The following KCTD17 variants were observed in gnomAD, a reference collection of about 807,000 sequenced individuals.
KCTD17 encodes BTB/POZ domain-containing protein KCTD17.
Under a neutral mutation model 41.5 loss-of-function variants are expected in KCTD17, and 20 were observed. That is an observed-to-expected ratio of 0.48 (90% confidence interval 0.34 to 0.70). KCTD17 has a LOEUF of 0.70. KCTD17 is among the 30% of genes least tolerant of loss of function. The probability of loss-of-function intolerance (pLI) is 0.01; values close to 1 mark genes in which losing one functional copy is unlikely to be tolerated. For synonymous variants in KCTD17, 156 were observed against 173.8 expected, an observed-to-expected ratio of 0.90 and a Z score of 0.80; for missense variants, 317 against 427.2, an observed-to-expected ratio of 0.74 and a Z score of 2.27.
rs1366037095 is a variant in KCTD17 at position 37,059,422 on chromosome 22, C to T, written c.596C>T (p.Ser199Phe). The change falls in exon 5 of 9, where the codon TCC (serine) becomes TTC (phenylalanine). Residue 199 changes from serine to phenylalanine, a missense_variant. Around this residue, in one of 4 missense-constraint regions of KCTD17, gnomAD observed 177 missense variants for 194.4 expected, o/e 0.91. Coordinates refer to ENST00000403888, the MANE Select transcript of KCTD17 (RefSeq NM_001282684.2). ...HSTPNGLSSE[S>F]SRKTKSTEEQ... is the part of the protein sequence containing the mutation. ...ACCCCAAACGGGCTGAGCTCAGAGT[C>T]CAGCCGCAAAACCAAGGTGAGCCCA... 15 of 1,610,560 alleles carry T rather than the reference C, an allele frequency of 9.3e-6. No individual in the cohort carries two copies. The highest frequency in any genetic ancestry group is 1.3e-5 in the Non-Finnish European group (15 of 1,179,430).
chr22:37,054,254 A>T (rs1924832028), intron 2 of KCTD17, among the ~76,000 whole-genome samples: 1 of 152,156 alleles, frequency 6.6e-6, no homozygotes, highest in Admixed American at 6.5e-5. Flanking sequence ...GCCTAGGCTC[A>T]GGAGCAGGCC....
At chr22:37,060,782 T>A in intron 5 of KCTD17, 41 bp from the exon 6 acceptor site, 1 of 1,465,628 alleles carries the variant, frequency 6.8e-7, no homozygotes, top group Non-Finnish European at 9.0e-7. Context: ...TCTGTTAGTG[T>A]CTCCACTCTT....
At chr22:37,062,407 TCTCC>T in intron 8 of KCTD17, 114 bp from the exon 9 acceptor site, 1 of 1,351,764 alleles carries the variant, frequency 7.4e-7, no homozygotes, top group Non-Finnish European at 9.7e-7. Context: ...CCTCTCTCTC[TCTCC>T]CTCTCCCCCA....
At chr22:37,057,590 T>G in intron 4 of KCTD17, 97 bp downstream of exon 4, 4 of 927,556 alleles carry the variant, frequency 4.3e-6, no homozygotes, top group Non-Finnish European at 6.7e-6. Flanking sequence ...CAGCCTTGGG[T>G]TCCCCACCAC....
At chr22:37,058,503 T>G (rs1312796944) in intron 4 of KCTD17, among the ~76,000 whole-genome samples, 2 of 133,588 alleles carry the variant, frequency 1.5e-5, no homozygotes, top group African/African-American at 3.1e-5. Flanking sequence ...GTCATGCAAA[T>G]CATTAGAAAT....
intron 4 of KCTD17, among the ~76,000 whole-genome samples, chr22:37,059,009 C>G (rs575972841): frequency 6.6e-6 from 1 of 152,322 alleles, no homozygotes; most frequent in African/African-American, 2.4e-5. Flanking sequence ...CCCCCTGGCT[C>G]TGGGGCTAGG....
chr22:37,062,662 C>T lies in KCTD17; in HGVS notation c.*68C>T. On this transcript the variant is annotated 3_prime_UTR_variant, in exon 9 of 9. Coordinates refer to ENST00000403888, the MANE Select transcript of KCTD17 (RefSeq NM_001282684.2). The stretch of plus-strand genomic sequence containing the variant: ...AAGGAAGAAGCACCCTCTCCCCGGC[C>T]TCCTCTGTCTGCACCCGTGGGGCTG... The T allele has an allele frequency of 6.4e-7, 1 of 1,562,020 alleles. No homozygotes were observed. Among genetic ancestry groups the T allele is most frequent in the Admixed American group, 1.9e-5 (1 of 52,594 alleles).
At chr22:37,060,746 G>T (rs1281026542) in intron 5 of KCTD17, 77 bp from the exon 6 acceptor site, 5 of 1,431,118 alleles carry the variant, frequency 3.5e-6, no homozygotes, top group Non-Finnish European at 4.6e-6. Flanking sequence ...CCGGGTCTTT[G>T]GGGATAGCCA....
At chr22:37,060,096 C>T (rs1303627285) in intron 5 of KCTD17, among the ~76,000 whole-genome samples, 1 of 152,194 alleles carries the variant, frequency 6.6e-6, no homozygotes, top group Non-Finnish European at 1.5e-5. Flanking sequence ...GGGGAGAGGG[C>T]TGAGCGGGGG....
In KCTD17 at chr22:37,051,950, G is replaced by C. The variant is rs1466018860; in HGVS notation, c.189+1G>C. ...GGGGGAAGAGCTGCAGTCGGACCGG[G>C]TGAGGCCCCCGGGGTGGGCGGCGAG... On this transcript the variant is annotated splice_donor_variant, in intron 1 of 8. Coordinates refer to ENST00000403888, the MANE Select transcript of KCTD17 (RefSeq NM_001282684.2). LOFTEE classifies it high-confidence loss of function. 5 of 1,479,078 alleles carry C rather than the reference G, an allele frequency of 3.4e-6. No individual in the cohort carries two copies. 91.6% of individuals were successfully genotyped at this position (1,479,078 alleles called of 1,614,324 possible).
rs855793 is a variant in KCTD17, at chr22:37,053,568, T to C, written c.298+360T>C. ...CATCCGGAGGCTGGGGTGACAGGAA[T>C]GCAGTGTTGACAGGCATGGGGAGAG... On this transcript the variant is annotated intron_variant, in intron 2 of 8. Transcript: ENST00000403888. This position sits in a 1 kb window ranked among gnomAD's most constrained non-coding sequence, Gnocchi z 4.1. 0.81 allele frequency among the ~76,000 whole-genome samples: 123,852 copies of C among 152,214 alleles called. 51,235 individuals are homozygous for C. The highest frequency in any genetic ancestry group is 1 in the East Asian group (5,173 of 5,188).
In KCTD17 at chr22:37,061,961, T is replaced by G. The variant is rs538247734; in HGVS notation, c.875+332T>G. ...TGGGGATGGGGAGGACAGGCCACTT[T>G]TGGATACCCTTGGCCCATGAAGTGT... On this transcript the variant is annotated intron_variant, in intron 8 of 8. Transcript: ENST00000403888. The surrounding 1 kb of genome is among the most constrained non-coding windows in gnomAD (Gnocchi z 6.6). The G allele has an allele frequency of 1.4e-5, 14 of 985,408 alleles. No individual in the cohort carries two copies. In the South Asian group the frequency reaches 5.6e-4, roughly 40 times the overall value. 61.0% of individuals were successfully genotyped at this position (985,408 alleles called of 1,614,324 possible).
At chr22:37,062,015 T>G in intron 8 of KCTD17, 1 of 985,368 alleles carries the variant, frequency 1.0e-6, no homozygotes, top group Non-Finnish European at 1.2e-6. Flanking sequence ...GATTGCAGAG[T>G]GGCAGAAAAA....
At chr22:37,056,867 C>T (rs1925184388) in intron 3 of KCTD17, among the ~76,000 whole-genome samples, 1 of 152,126 alleles carries the variant, frequency 6.6e-6, no homozygotes. Context: ...CGTTTGTGAC[C>T]TTGGAGCCTG....
At chr22:37,062,371 C>T in intron 8 of KCTD17, 154 bp from the exon 9 acceptor site, 2 of 984,892 alleles carry the variant, frequency 2.0e-6, no homozygotes, top group South Asian at 9.4e-5. Context: ...ACCCCCTCCT[C>T]CAGAAGGAAG....
Position 37,061,231 on chromosome 22 carries a change from C to T in KCTD17, c.784+56C>T. ...CCTCCTGGATCTCATCTGCACCCTG[C>T]CTCTTCCCTCTCTGCCCCTGTCCGG... On this transcript the variant is annotated intron_variant, in intron 7 of 8. Coordinates refer to ENST00000403888, the MANE Select transcript of KCTD17 (RefSeq NM_001282684.2). The surrounding 1 kb of genome is among the most constrained non-coding windows in gnomAD (Gnocchi z 6.6). The T allele has an allele frequency of 6.5e-7, 1 of 1,548,380 alleles. No individual in the cohort carries two copies. The highest frequency in any genetic ancestry group is 8.7e-7 in the Non-Finnish European group (1 of 1,146,924).
chr22:37,062,877 T>C lies in KCTD17; in HGVS notation c.*283T>C. On this transcript the variant is annotated 3_prime_UTR_variant, in exon 9 of 9. Coordinates refer to ENST00000403888, the MANE Select transcript of KCTD17 (RefSeq NM_001282684.2). Reference sequence around the variant, plus strand: ...GCTGCATGGTGGATGTGCTCCTTCCTGGCCCGGTCACATTGCCTCCTTGAG... The same window carrying C: ...GCTGCATGGTGGATGTGCTCCTTCCCGGCCCGGTCACATTGCCTCCTTGAG... 1 of 550,646 alleles carries C rather than the reference T, an allele frequency of 1.8e-6. No individual in the cohort carries two copies. Among genetic ancestry groups the C allele is most frequent in the East Asian group, 3.5e-5 (1 of 28,862 alleles). 34.1% of individuals were successfully genotyped at this position (550,646 alleles called of 1,614,324 possible).
chr22:37,052,063 A>T, intron 1 of KCTD17, 114 bp downstream of exon 1: 2 of 1,039,116 alleles, frequency 1.9e-6, no homozygotes, highest in African/African-American at 1.8e-5. Context: ...TTCATTTCCG[A>T]GGAACTGGAG....
In KCTD17 at chr22:37,062,716, C is replaced by T. The variant is rs374182123; in HGVS notation, c.*122C>T. On this transcript the variant is annotated 3_prime_UTR_variant, in exon 9 of 9. Coordinates refer to ENST00000403888, the MANE Select transcript of KCTD17 (RefSeq NM_001282684.2). Reference sequence around the variant, plus strand: ...CTTACTCCTGCCTCCAGGGGCGGGGCGGGGCCCCCCTGGGACCTCTTAAGG... The same window carrying T: ...CTTACTCCTGCCTCCAGGGGCGGGGTGGGGCCCCCCTGGGACCTCTTAAGG... The T allele has an allele frequency of 8.6e-5, 129 of 1,508,140 alleles. No individual in the cohort carries two copies. In the South Asian group the frequency reaches 9.2e-4, roughly 11 times the overall value. The allele number at this position is 1,508,140 out of a possible 1,614,324, so 93.4% of individuals were successfully genotyped here.
Sources: allele counts gnomAD v4.1 joint callset (sites outside exome capture counted in the v4.1 genomes callset), GRCh38; gene constraint gnomAD v4.1.1; regional missense constraint gnomAD v4.1.1; non-coding constraint Gnocchi (gnomAD v3.1); transcripts MANE v1.5; gene names NCBI Gene and HGNC (gene_info 2026-07-23, HGNC 2026-07-21).